Variants in MSRA observed in about 807,000 individuals in gnomAD.
MSRA encodes methionine sulfoxide reductase A.
In MSRA, 54 loss-of-function variants were observed where a neutral mutation model predicts 31.3. The ratio of observed to expected loss-of-function variants is 1.73; its 90% confidence interval spans 1.39 to 2.17. The LOEUF (loss-of-function observed/expected upper bound fraction) is 2.17. Ranked by LOEUF, MSRA falls within the 30% of genes most tolerant of loss-of-function variation. MSRA has a pLI of 0.00. For missense variants in MSRA, 507 were observed against 300.9 expected, an observed-to-expected ratio of 1.69 and a Z score of -5.07; for synonymous variants, 169 against 116.5, an observed-to-expected ratio of 1.45 and a Z score of -2.90.
At chr8:10,082,386 C>T (rs1231097586) in intron 1 of MSRA, among the ~76,000 whole-genome samples, 1 of 152,112 alleles carries the variant, frequency 6.6e-6, no homozygotes, top group Non-Finnish European at 1.5e-5. Flanking sequence ...GCCAAGGCAG[C>T]CTCATTTCAC....
intron 5 of MSRA, among the ~76,000 whole-genome samples, chr8:10,372,079 C>G (rs982092026): frequency 3.3e-5 from 5 of 152,186 alleles, no homozygotes; most frequent in Non-Finnish European, 7.3e-5. Flanking sequence ...CACCTCATGA[C>G]AATTGAGTCT....
intron 5 of MSRA, among the ~76,000 whole-genome samples, chr8:10,334,375 G>C (rs1802894981): frequency 6.6e-6 from 1 of 152,158 alleles, no homozygotes; most frequent in African/African-American, 2.4e-5. Context: ...GGATAAGCCT[G>C]GCCCTGGTTC....
At chr8:10,359,552 C>T (rs1359281349) in intron 5 of MSRA, among the ~76,000 whole-genome samples, 1 of 152,304 alleles carries the variant, frequency 6.6e-6, no homozygotes, top group East Asian at 1.9e-4. Flanking sequence ...TCTCCACCTC[C>T]TCCTCTTCCT....
intron 1 of MSRA, among the ~76,000 whole-genome samples, chr8:10,204,703 T>G (rs1360197378): frequency 6.6e-6 from 1 of 152,244 alleles, no homozygotes; most frequent in Non-Finnish European, 1.5e-5. Flanking sequence ...TGTTGTTAAG[T>G]GATGCATAAC....
At chr8:10,289,378 T>C (rs1800111143) in intron 3 of MSRA, among the ~76,000 whole-genome samples, 1 of 152,148 alleles carries the variant, frequency 6.6e-6, no homozygotes, top group Admixed American at 6.6e-5. Context: ...ATAGGCATAT[T>C]ATCTTGTGTA....
chr8:10,148,191 G>T (rs914635616), intron 1 of MSRA, among the ~76,000 whole-genome samples: 1 of 152,216 alleles, frequency 6.6e-6, no homozygotes, highest in Admixed American at 6.5e-5. Context: ...GAAACGCAAG[G>T]ATGGGTGGGA....
At chr8:10,245,247 A>G in intron 3 of MSRA, 24 bp downstream of exon 3, 1 of 1,609,348 alleles carries the variant, frequency 6.2e-7, no homozygotes, top group Non-Finnish European at 8.5e-7. Flanking sequence ...GCTTTATTGT[A>G]TTACTAGGAG....
At chr8:10,158,177 C>T (rs892383948) in intron 1 of MSRA, among the ~76,000 whole-genome samples, 2 of 152,194 alleles carry the variant, frequency 1.3e-5, no homozygotes, top group Non-Finnish European at 2.9e-5. Flanking sequence ...TAATAACCCC[C>T]AAGGCTCCAC....
At chr8:10,342,680 T>C (rs991816674) in intron 5 of MSRA, among the ~76,000 whole-genome samples, 5 of 152,194 alleles carry the variant, frequency 3.3e-5, no homozygotes, top group Non-Finnish European at 5.9e-5. Context: ...CGCAGTTCCC[T>C]GGCCTTACAG....
chr8:10,107,974 C>G (rs1800008121), intron 1 of MSRA, among the ~76,000 whole-genome samples: 1 of 152,162 alleles, frequency 6.6e-6, no homozygotes, highest in African/African-American at 2.4e-5. Flanking sequence ...TCATATTTAA[C>G]CCAGCTGTCC....
In MSRA at chr8:10,347,572, A is replaced by G. The variant is rs1803862824; in HGVS notation, c.543+27583A>G. Reference sequence around the variant, plus strand: ...TTGTTCTGGTTTGGACTCTGACCTCAGCCTGCCGCCTGGTCACTGGGTTCC... The same window carrying G: ...TTGTTCTGGTTTGGACTCTGACCTCGGCCTGCCGCCTGGTCACTGGGTTCC... On this transcript the variant is annotated intron_variant, in intron 5 of 5. Coordinates refer to ENST00000317173, the MANE Select transcript of MSRA (RefSeq NM_012331.5). Among the ~76,000 whole-genome samples the G allele has an allele frequency of 2.0e-5, 3 of 152,150 alleles. No homozygotes were observed. In the South Asian group the frequency reaches 6.2e-4, roughly 32 times the overall value.
intron 2 of MSRA, among the ~76,000 whole-genome samples, chr8:10,216,637 A>G (rs1810017915): frequency 6.6e-6 from 1 of 151,740 alleles, no homozygotes; most frequent in Admixed American, 6.6e-5. Flanking sequence ...AAATTTGACT[A>G]CTCTAGGGAC....
chr8:10,175,647 G>T (rs1475491085), intron 1 of MSRA, among the ~76,000 whole-genome samples: 2 of 152,164 alleles, frequency 1.3e-5, no homozygotes, highest in Non-Finnish European at 1.5e-5. Flanking sequence ...GGAGCCTTAC[G>T]TACTGGCTAG....
intron 1 of MSRA, among the ~76,000 whole-genome samples, chr8:10,065,848 A>T (rs777430687): frequency 2.0e-5 from 3 of 152,102 alleles, no homozygotes; most frequent in Non-Finnish European, 4.4e-5. Flanking sequence ...CCCTGCTATC[A>T]GCCTCTGGTT....
chr8:10,058,158 A>G (rs1585058517), intron 1 of MSRA, among the ~76,000 whole-genome samples: 2 of 152,250 alleles, frequency 1.3e-5, no homozygotes. Flanking sequence ...TGTTAAAAAC[A>G]GATGTAGAGC....
chr8:10,057,146 T>C (rs529161425), intron 1 of MSRA, among the ~76,000 whole-genome samples: 2 of 152,270 alleles, frequency 1.3e-5, no homozygotes, highest in Admixed American at 1.3e-4. Flanking sequence ...GATGAAAACA[T>C]GAACAGGCCT....
chr8:10,159,715 A>C (rs925977535), intron 1 of MSRA, among the ~76,000 whole-genome samples: 1 of 152,186 alleles, frequency 6.6e-6, no homozygotes, highest in Non-Finnish European at 1.5e-5. Context: ...TTTGATTGGC[A>C]TTATCTCTTA....
chr8:10,372,218 C>T (rs1336901659), intron 5 of MSRA, among the ~76,000 whole-genome samples: 3 of 152,134 alleles, frequency 2.0e-5, no homozygotes, highest in Admixed American at 6.5e-5. Context: ...TGTCATTGGC[C>T]CTGCTGGGCA....
chr8:10,159,250 G>A (rs773081974), intron 1 of MSRA, among the ~76,000 whole-genome samples: 11 of 152,230 alleles, frequency 7.2e-5, no homozygotes, highest in Non-Finnish European at 1.3e-4. Context: ...GGGCACCTGC[G>A]TGAGGCCATC....
Sources: gnomAD v4.1 joint callset for allele counts (sites outside exome capture counted in the v4.1 genomes callset) on GRCh38, gnomAD v4.1.1 for gene constraint, MANE v1.5 for transcripts, NCBI Gene and HGNC (gene_info 2026-07-23, HGNC 2026-07-21) for gene names.